CHST8: variants seen among roughly 807,000 people sequenced by gnomAD.
CHST8 encodes the protein carbohydrate sulfotransferase 8, also known as GALNAC-4-ST1.
In CHST8, 10 loss-of-function variants were observed where a neutral mutation model predicts 15.0. The ratio of observed to expected loss-of-function variants is 0.67; its 90% CI spans 0.41 to 1.13. The LOEUF is 1.13. Ranked by LOEUF, CHST8 falls within the 50% of genes most tolerant of loss-of-function variation. The pLI, the probability that CHST8 is intolerant of heterozygous loss-of-function variation, is 0.00. For synonymous variants in CHST8, 259 were observed against 256.6 expected, an observed-to-expected ratio of 1.01 and a Z score of -0.09; for missense variants, 634 against 608.2, an observed-to-expected ratio of 1.04 and a Z score of -0.45.
intron 2 of CHST8, among the ~76,000 whole-genome samples, chr19:33,676,570 A>G (rs1972812017): frequency 6.7e-6 from 1 of 148,844 alleles, no homozygotes; most frequent in Non-Finnish European, 1.5e-5. Context: ...ACTCCATCTC[A>G]ATATAATAAT....
intron 3 of CHST8, among the ~76,000 whole-genome samples, chr19:33,703,960 G>T (rs376636729): frequency 1.3e-5 from 2 of 152,336 alleles, no homozygotes; most frequent in African/African-American, 2.4e-5. Context: ...GGCTCCTAGT[G>T]GGGGGTGGAG....
At chr19:33,750,964 A>G (rs1226140613) in intron 3 of CHST8, among the ~76,000 whole-genome samples, 1 of 150,468 alleles carries the variant, frequency 6.6e-6, no homozygotes, top group East Asian at 2.0e-4. Context: ...TTTCATTATG[A>G]GCTCAGATTA....
chr19:33,703,873 T>C (rs1973391536), intron 3 of CHST8, among the ~76,000 whole-genome samples: 1 of 152,208 alleles, frequency 6.6e-6, no homozygotes, highest in Non-Finnish European at 1.5e-5. Context: ...TTATTTTATG[T>C]GGGGAAAATA....
rs757153483 is a variant in CHST8, at chr19:33,772,499, C to T, written c.711C>T (p.Asp237=). The T allele has an allele frequency of 6.2e-7, 1 of 1,613,848 alleles. No homozygotes were observed. Among genetic ancestry groups the T allele is most frequent in the Non-Finnish European group, 8.5e-7 (1 of 1,180,028 alleles). The change falls in exon 5 of 5, where the codon GAC becomes GAT. Residue 237 remains aspartate (D), a synonymous_variant. Coordinates refer to ENST00000650847, the MANE Select transcript of CHST8 (RefSeq NM_001127895.2). Reference sequence around the variant, plus strand: ...ATGGCAGCGCTCTCAAGCGCCTGGACACCTTCGACCGCCAGGGTATCTTGC... The same window carrying T: ...ATGGCAGCGCTCTCAAGCGCCTGGATACCTTCGACCGCCAGGGTATCTTGC... ...VHYGSALKRL[D]TFDRQGILHR...
intron 1 of CHST8, among the ~76,000 whole-genome samples, chr19:33,626,783 C>CTTTTTTTTTTTTTTTTTTTTTTTT (rs373066494): frequency 7.5e-6 from 1 of 133,480 alleles, no homozygotes; most frequent in Non-Finnish European, 1.6e-5. Context: ...TTTTTTTTTC[C>CTTTTTTTTTTTTTTTTTTTTTTTT]TTTTTTTTTT....
At chr19:33,720,524 C>T (rs544115024) in intron 3 of CHST8, among the ~76,000 whole-genome samples, 12 of 152,336 alleles carry the variant, frequency 7.9e-5, no homozygotes, top group South Asian at 2.1e-4. Context: ...CACACACACA[C>T]GGAATGCATG....
At chr19:33,657,816 C>T (rs1282116370) in intron 1 of CHST8, among the ~76,000 whole-genome samples, 2 of 152,294 alleles carry the variant, frequency 1.3e-5, no homozygotes, top group Admixed American at 1.3e-4. Flanking sequence ...AGCAATCCTC[C>T]CACCTTTGCC....
intron 3 of CHST8, among the ~76,000 whole-genome samples, chr19:33,752,234 A>G (rs71351738): frequency 0.1 from 15,136 of 151,572 alleles, 911 homozygotes; most frequent in Admixed American, 0.12. Flanking sequence ...GGGAAGCACC[A>G]CCCCCTGCCC....
chr19:33,692,689 G>T (rs554187967), intron 3 of CHST8, among the ~76,000 whole-genome samples: 100 of 152,314 alleles, frequency 6.6e-4, no homozygotes, highest in African/African-American at 2.4e-3. Flanking sequence ...GACAGGGCCG[G>T]ACTTTGTCTC....
At chr19:33,711,780 C>T (rs1042369152) in intron 3 of CHST8, among the ~76,000 whole-genome samples, 3 of 151,982 alleles carry the variant, frequency 2.0e-5, no homozygotes, top group South Asian at 2.1e-4. Flanking sequence ...TATAGGTGCA[C>T]GCCACCACAC....
chr19:33,672,804 G>A (rs1972758802), intron 2 of CHST8, among the ~76,000 whole-genome samples: 1 of 152,190 alleles, frequency 6.6e-6, no homozygotes, highest in Admixed American at 6.5e-5. Flanking sequence ...AGGGGAGCCT[G>A]CATCTCTCTG....
At chr19:33,691,799 C>T (rs1290362366) in intron 3 of CHST8, among the ~76,000 whole-genome samples, 3 of 152,234 alleles carry the variant, frequency 2.0e-5, no homozygotes, top group Non-Finnish European at 2.9e-5. Flanking sequence ...GTTGCCCTGC[C>T]ATCCTGATCA....
chr19:33,741,685 C>T (rs1174199556), intron 3 of CHST8, among the ~76,000 whole-genome samples: 1 of 150,390 alleles, frequency 6.6e-6, no homozygotes, highest in Non-Finnish European at 1.5e-5. Flanking sequence ...TCCTTGAGGT[C>T]TTTTATCAAG....
chr19:33,666,972 G>A (rs550607772), intron 1 of CHST8, among the ~76,000 whole-genome samples: 1 of 152,230 alleles, frequency 6.6e-6, no homozygotes, highest in South Asian at 2.1e-4. Flanking sequence ...ATAGTGCTAG[G>A]ATTACAGTTA....
At position 33,694,078 on chromosome 19, in the gene CHST8, C is replaced by G. The variant is rs1436990985; in HGVS notation, c.130+4687C>G. The stretch of plus-strand genomic sequence containing the variant: ...AAACTACAATGTTACCATACAGATT[C>G]TGTTGTAGTTTATTCATATATATAT... On this transcript the variant is annotated intron_variant, in intron 3 of 4. Coordinates refer to ENST00000650847, the MANE Select transcript of CHST8 (RefSeq NM_001127895.2). 4.3e-5 allele frequency among the ~76,000 whole-genome samples: 4 copies of G among 92,764 alleles called. No homozygotes were observed. The East Asian group carries it at 1.4e-3, about 32-fold the overall frequency. 60.9% of individuals were successfully genotyped at this position (92,764 alleles called of 152,430 possible).
At chr19:33,637,463 C>G (rs113142686) in intron 1 of CHST8, among the ~76,000 whole-genome samples, 2,462 of 148,318 alleles carry the variant, frequency 0.017, 61 homozygotes, top group African/African-American at 0.059. Flanking sequence ...AGTGCAGTGG[C>G]GGGATCTCAG....
At chr19:33,650,490 C>CTTTTCT (rs1206787116) in intron 1 of CHST8, among the ~76,000 whole-genome samples, 1 of 53,208 alleles carries the variant, frequency 1.9e-5, no homozygotes, top group Non-Finnish European at 4.7e-5. Flanking sequence ...TCTTTTTTTT[C>CTTTTCT]TTTTCTTTTT....
chr19:33,634,760 C>T lies in CHST8; in HGVS notation c.-164+12464C>T, dbSNP rs541402052. On this transcript the variant is annotated intron_variant, in intron 1 of 4. Transcript: ENST00000650847. ...CTGTGTCACAATGCCCAGAATAGTC[C>T]TGCACAGGGCAGACCTGCTGGGTTG... Among the ~76,000 whole-genome samples, 5 of 151,310 alleles carry T rather than the reference C, an allele frequency of 3.3e-5. No individual in the cohort carries two copies. The East Asian group carries it at 5.9e-4, about 18-fold the overall frequency.
At chr19:33,702,628 G>C (rs1017897541) in intron 3 of CHST8, among the ~76,000 whole-genome samples, 18 of 152,336 alleles carry the variant, frequency 1.2e-4, no homozygotes, top group African/African-American at 4.1e-4. Flanking sequence ...CTTGTCCTGC[G>C]TCCCCAGGTA....
Sources: allele counts gnomAD v4.1 joint callset (sites outside exome capture counted in the v4.1 genomes callset), GRCh38; gene constraint gnomAD v4.1.1; transcripts MANE v1.5; gene names NCBI Gene and HGNC (gene_info 2026-07-23, HGNC 2026-07-21).